Variants in IFT88 observed in about 807,000 individuals in gnomAD.
The protein encoded by IFT88 is intraflagellar transport 88, also known as intraflagellar transport protein 88 homolog.
A neutral mutation model predicts 119.5 loss-of-function variants in IFT88; 74 were observed. That is an observed-to-expected ratio of 0.62 (90% CI 0.51 to 0.75). The LOEUF (loss-of-function observed/expected upper bound fraction) is 0.75. IFT88 is among the 30% of genes least tolerant of loss of function. IFT88 has a pLI of 0.00. For synonymous variants in IFT88, 279 were observed against 316.7 expected, an observed-to-expected ratio of 0.88 and a Z score of 1.26; for missense variants, 961 against 977.7, an observed-to-expected ratio of 0.98 and a Z score of 0.23.
At position 20,668,343 on chromosome 13, in the gene IFT88, G is replaced by C. The variant is rs575834433; in HGVS notation, c.2176-2630G>C. Among the ~76,000 whole-genome samples the C allele has an allele frequency of 2.2e-4, 34 of 151,154 alleles. 1 individual carries two copies. In the South Asian group the frequency reaches 5.5e-3, roughly 24 times the overall value. On this transcript the variant is annotated intron_variant, in intron 23 of 25. Coordinates refer to ENST00000351808, the MANE Select transcript of IFT88 (RefSeq NM_006531.5). ...TGGTATGAGAGATGTGCAGTTAACT[G>C]AGTCTTGACAGTTGAGATTTCTTTT...
intron 23 of IFT88, among the ~76,000 whole-genome samples, chr13:20,667,827 C>A (rs556097021): frequency 8.5e-5 from 13 of 152,242 alleles, no homozygotes; most frequent in African/African-American, 1.4e-4. Context: ...GGATCTGCCC[C>A]ACTGTCACCA....
chr13:20,656,280 C>T (rs1390794947), intron 21 of IFT88, 85 bp from the exon 22 acceptor site: 1 of 488,412 alleles, frequency 2.0e-6, no homozygotes, highest in African/African-American at 2.0e-5. Context: ...ATTAAATAGC[C>T]AGTATATCAG....
chr13:20,683,553 A>AT (rs952814229), intron 24 of IFT88, among the ~76,000 whole-genome samples: 2 of 152,102 alleles, frequency 1.3e-5, no homozygotes, highest in African/African-American at 4.8e-5. Context: ...AACTGCTTTG[A>AT]TATACTTCAG....
intron 22 of IFT88, 106 bp from the exon 23 acceptor site, chr13:20,663,392 C>A: frequency 6.5e-7 from 1 of 1,544,582 alleles, no homozygotes; most frequent in Non-Finnish European, 8.7e-7. Flanking sequence ...TATTTGTAAG[C>A]ATCATTCCTA....
At chr13:20,577,671 A>AGTT (rs2037656680) in intron 2 of IFT88, among the ~76,000 whole-genome samples, 1 of 152,102 alleles carries the variant, frequency 6.6e-6, no homozygotes, top group Non-Finnish European at 1.5e-5. Flanking sequence ...GATTTGCATA[A>AGTT]GTTGAACCAT....
At chr13:20,618,353 GAGTATTTAC>G (rs2045968626) in intron 14 of IFT88, among the ~76,000 whole-genome samples, 1 of 152,204 alleles carries the variant, frequency 6.6e-6, no homozygotes, top group Non-Finnish European at 1.5e-5. Flanking sequence ...GGTCTGGAGT[GAGTATTTAC>G]ATTTGTGTCA....
At chr13:20,639,282 G>T (rs945483291) in intron 17 of IFT88, among the ~76,000 whole-genome samples, 6 of 152,102 alleles carry the variant, frequency 3.9e-5, no homozygotes, top group African/African-American at 1.4e-4. Flanking sequence ...CTGTCTCCTG[G>T]TATTCAGGAG....
chr13:20,608,782 G>A (rs900482502), intron 13 of IFT88, among the ~76,000 whole-genome samples: 2 of 152,176 alleles, frequency 1.3e-5, no homozygotes, highest in Non-Finnish European at 1.5e-5. Context: ...AAAGTGAAAA[G>A]CGATTGCAAT....
chr13:20,591,677 G>T lies in IFT88; in HGVS notation c.324G>T (p.Leu108Phe). ...CAGCTGGTTTTACCAAAGCAGCTTT[G>T]AGAGGTTTGTTACACTGTCTCTACT... ...VRAAGFTKAA[L>F]RGSAFDPLSQ... is the part of the protein sequence containing the mutation. Residue 108 changes from leucine to phenylalanine, a missense_variant, in exon 6 of 26, where the codon TTG becomes TTT. Leu to Phe is a conservative substitution (Grantham distance 22). Coordinates refer to ENST00000351808, the MANE Select transcript of IFT88 (RefSeq NM_006531.5). 6.2e-7 allele frequency: 1 copy of T among 1,608,596 alleles called. No individual in the cohort carries two copies. The highest frequency in any genetic ancestry group is 1.1e-5 in the South Asian group (1 of 90,950).
chr13:20,640,526 TTG>T (rs1439163099), intron 17 of IFT88, among the ~76,000 whole-genome samples: 7 of 151,782 alleles, frequency 4.6e-5, no homozygotes, highest in Non-Finnish European at 7.4e-5. Flanking sequence ...TGAGCCGAGA[TTG>T]TGCCACTGCA....
chr13:20,635,177 A>G (rs1047335494), intron 16 of IFT88, among the ~76,000 whole-genome samples: 1 of 152,046 alleles, frequency 6.6e-6, no homozygotes, highest in African/African-American at 2.4e-5. Context: ...TATGTGCCAC[A>G]TTTTCTTAAT....
chr13:20,691,252 C>A lies in IFT88; in HGVS notation c.*77C>A. 7.6e-7 allele frequency: 1 copy of A among 1,307,710 alleles called. No individual in the cohort carries two copies. The highest frequency in any genetic ancestry group is 1.0e-6 in the Non-Finnish European group (1 of 952,530). The allele number at this position is 1,307,710 out of a possible 1,614,324, so 81.0% of individuals were successfully genotyped here. ...TCATGTTAAACCTTGGATTAAATAT[C>A]TAACCTGTAATTATTTTTTTTCACT... On this transcript the variant is annotated 3_prime_UTR_variant, in exon 26 of 26. Transcript: ENST00000351808.
chr13:20,598,785 T>C, intron 10 of IFT88, 32 bp downstream of exon 10: 1 of 1,270,666 alleles, frequency 7.9e-7, no homozygotes, highest in South Asian at 1.2e-5. Context: ...TTCCAATAGA[T>C]GTAATTCTTT....
At chr13:20,578,085 C>G (rs575247774) in intron 2 of IFT88, among the ~76,000 whole-genome samples, 1 of 123,916 alleles carries the variant, frequency 8.1e-6, no homozygotes, top group East Asian at 2.8e-4. Flanking sequence ...CACTCTGTAG[C>G]CCAGGCTGGA....
intron 22 of IFT88, 87 bp downstream of exon 22, chr13:20,656,517 G>A (rs2052837232): frequency 5.7e-6 from 3 of 530,778 alleles, no homozygotes; most frequent in Non-Finnish European, 9.8e-6. Flanking sequence ...TACAGTAATT[G>A]TATACGTAAA....
chr13:20,595,002 G>A (rs1269973973), intron 7 of IFT88, among the ~76,000 whole-genome samples: 2 of 150,734 alleles, frequency 1.3e-5, no homozygotes, highest in African/African-American at 4.8e-5. Flanking sequence ...AAAGAAAGTG[G>A]TAGCAAAACA....
At chr13:20,591,787 T>C in intron 6 of IFT88, 106 bp downstream of exon 6, 1 of 743,134 alleles carries the variant, frequency 1.3e-6, no homozygotes, top group East Asian at 2.8e-5. Flanking sequence ...AACAATGCCA[T>C]TGATTATAAG....
At chr13:20,596,722 GTCATA>G (rs1360251509) in intron 8 of IFT88, among the ~76,000 whole-genome samples, 2 of 152,118 alleles carry the variant, frequency 1.3e-5, no homozygotes, top group East Asian at 3.8e-4. Flanking sequence ...TACTTTGATT[GTCATA>G]TCATATAAAT....
At chr13:20,676,167 C>T (rs143379777) in intron 24 of IFT88, among the ~76,000 whole-genome samples, 161 of 152,302 alleles carry the variant, frequency 1.1e-3, no homozygotes, top group African/African-American at 3.8e-3. Context: ...TCGCCCTTAG[C>T]CTGTTGCCCT....
Sources: gnomAD v4.1 joint callset for allele counts (sites outside exome capture counted in the v4.1 genomes callset) on GRCh38, gnomAD v4.1.1 for gene constraint, MANE v1.5 for transcripts, NCBI Gene and HGNC (gene_info 2026-07-23, HGNC 2026-07-21) for gene names.